Variants in LMBR1 observed in about 807,000 individuals in gnomAD.
The protein encoded by LMBR1 is limb development membrane protein 1, also known as limb region 1 protein homolog.
Under a neutral mutation model 73.9 loss-of-function variants are expected in LMBR1, and 52 were observed. That is an observed-to-expected ratio of 0.70 (90% CI 0.56 to 0.89). The LOEUF (loss-of-function observed/expected upper bound fraction) is 0.89. LMBR1 is among the 40% of genes least tolerant of loss of function. The pLI is 0.00. For synonymous variants in LMBR1, 215 were observed against 209.4 expected, an observed-to-expected ratio of 1.03 and a Z score of -0.23; for missense variants, 539 against 579.8, an observed-to-expected ratio of 0.93 and a Z score of 0.72.
intron 4 of LMBR1, among the ~76,000 whole-genome samples, chr7:156,798,047 C>A (rs1432365567): frequency 6.6e-6 from 1 of 151,812 alleles, no homozygotes. Flanking sequence ...TTTTATTGTG[C>A]TAATTACTGG....
intron 1 of LMBR1, among the ~76,000 whole-genome samples, chr7:156,864,900 G>A (rs1798234826): frequency 6.6e-6 from 1 of 151,518 alleles, no homozygotes; most frequent in South Asian, 2.1e-4. Flanking sequence ...GGAGGCTGAG[G>A]CAGGAGAACT....
intron 4 of LMBR1, among the ~76,000 whole-genome samples, chr7:156,801,368 T>C (rs575174068): frequency 1.3e-5 from 2 of 152,364 alleles, no homozygotes; most frequent in South Asian, 2.1e-4. Flanking sequence ...CACATTGCTA[T>C]TGCACACTTA....
chr7:156,711,942 A>G (rs1812163290), intron 15 of LMBR1, among the ~76,000 whole-genome samples: 1 of 152,186 alleles, frequency 6.6e-6, no homozygotes, highest in Admixed American at 6.5e-5. Context: ...TGGTCTAGGA[A>G]AAGAATTCAT....
intron 4 of LMBR1, among the ~76,000 whole-genome samples, chr7:156,799,651 G>A (rs1830609735): frequency 1.3e-5 from 2 of 152,158 alleles, no homozygotes; most frequent in South Asian, 4.1e-4. Context: ...TCCTCTAAGT[G>A]TTCAAATGAA....
intron 3 of LMBR1, chr7:156,833,528 C>A: frequency 2.0e-6 from 1 of 493,892 alleles, no homozygotes; most frequent in South Asian, 2.8e-5. Context: ...TCATTTAATC[C>A]CCTGAGGATA....
intron 15 of LMBR1, among the ~76,000 whole-genome samples, chr7:156,716,235 A>C (rs1813184125): frequency 6.6e-6 from 1 of 152,210 alleles, no homozygotes; most frequent in Admixed American, 6.5e-5. Flanking sequence ...TCAGAGAATA[A>C]AAAAGATTTG....
intron 1 of LMBR1, among the ~76,000 whole-genome samples, chr7:156,886,471 T>C (rs572122111): frequency 2.0e-5 from 3 of 152,364 alleles, no homozygotes; most frequent in African/African-American, 7.2e-5. Context: ...TGTAGTCAGA[T>C]GGCGAAGCAG....
chr7:156,820,484 TAAC>T (rs1834592312), intron 4 of LMBR1, among the ~76,000 whole-genome samples: 1 of 152,180 alleles, frequency 6.6e-6, no homozygotes, highest in Non-Finnish European at 1.5e-5. Context: ...AGTGAGAAGT[TAAC>T]AACCACTCTA....
intron 15 of LMBR1, among the ~76,000 whole-genome samples, chr7:156,698,246 T>C (rs1808766910): frequency 6.6e-6 from 1 of 152,208 alleles, no homozygotes; most frequent in Non-Finnish European, 1.5e-5. Flanking sequence ...ACAGCCTCCC[T>C]CCCAGCTGCT....
At position 156,728,979 on chromosome 7, in the gene LMBR1, A is replaced by T. The variant is rs527644327; in HGVS notation, c.839-259T>A. ...CTCAACCACCCAAGTAGCTGGGACTACAGATACATGCCACCATGCCTGGCT... is the reference window on the plus strand; with the variant it reads ...CTCAACCACCCAAGTAGCTGGGACTTCAGATACATGCCACCATGCCTGGCT... On this transcript the variant is annotated intron_variant, in intron 10 of 16. Coordinates refer to ENST00000353442, the MANE Select transcript of LMBR1 (RefSeq NM_022458.4). 1.9e-4 allele frequency among the ~76,000 whole-genome samples: 29 copies of T among 152,248 alleles called. No individual in the cohort carries two copies. The South Asian group carries it at 5.6e-3, about 29-fold the overall frequency.
chr7:156,796,425 G>A lies in LMBR1; in HGVS notation c.387C>T (p.Phe129=). 6.2e-7 allele frequency: 1 copy of A among 1,605,606 alleles called. No homozygotes were observed. Among genetic ancestry groups the A allele is most frequent in the Non-Finnish European group, 8.5e-7 (1 of 1,176,812 alleles). ...CLFVLMPFAF[F]FLESEGFAGL... ...CAGCAAAGCCTTCTGATTCCAGAAAGAAAAAGGCAAAGGGCATCAATACAA... is the reference window on the plus strand; with the variant it reads ...CAGCAAAGCCTTCTGATTCCAGAAAAAAAAAGGCAAAGGGCATCAATACAA... The change falls in exon 5 of 17, where the codon TTC becomes TTT. Residue 129 remains phenylalanine, a synonymous_variant. Transcript: ENST00000353442.
rs1019853190 is a variant in LMBR1, at chr7:156,679,494, A to G, written c.*4584T>C. ...GATGCTGTTAAAGAGAAGTTGCAGA[A>G]TCAATATAAATAGCTACAGCAGTAT... On this transcript the variant is annotated 3_prime_UTR_variant, in exon 17 of 17. Coordinates refer to ENST00000353442, the MANE Select transcript of LMBR1 (RefSeq NM_022458.4). The G allele has an allele frequency of 4.8e-5, 7 of 145,240 alleles. No homozygotes were observed. 9.0% of individuals were successfully genotyped at this position (145,240 alleles called of 1,614,324 possible).
chr7:156,674,617 G>C (rs974008066), downstream of LMBR1, among the ~76,000 whole-genome samples: 2 of 152,160 alleles, frequency 1.3e-5, no homozygotes, highest in Admixed American at 6.5e-5. Flanking sequence ...CCGAGGCTGA[G>C]TGAGCATTGA....
At chr7:156,762,244 CT>C in intron 7 of LMBR1, 46 bp from the exon 8 acceptor site, 1 of 1,250,486 alleles carries the variant, frequency 8.0e-7, no homozygotes, top group South Asian at 1.3e-5. Context: ...CATTATAGAG[CT>C]TGGAGAAAGA....
intron 15 of LMBR1, among the ~76,000 whole-genome samples, chr7:156,717,495 C>G (rs1443813429): frequency 1.3e-5 from 2 of 151,814 alleles, no homozygotes; most frequent in Non-Finnish European, 2.9e-5. Flanking sequence ...GCCAGAGAAG[C>G]AGAGGGAAAA....
intron 15 of LMBR1, among the ~76,000 whole-genome samples, chr7:156,695,260 A>T (rs1164374838): frequency 6.6e-6 from 1 of 152,206 alleles, no homozygotes; most frequent in Non-Finnish European, 1.5e-5. Flanking sequence ...AATGACTTAA[A>T]ATCATACCAC....
intron 9 of LMBR1, among the ~76,000 whole-genome samples, chr7:156,746,229 T>C (rs1473050569): frequency 6.6e-6 from 1 of 152,224 alleles, no homozygotes. Flanking sequence ...TTAACTTGTA[T>C]ATCTCATTGA....
chr7:156,688,214 C>T (rs192040258), intron 15 of LMBR1, 23 bp from the exon 16 acceptor site: 2 of 1,545,496 alleles, frequency 1.3e-6, no homozygotes, highest in East Asian at 4.6e-5. Flanking sequence ...AATAAAATAG[C>T]CCTTAATGAA....
intron 5 of LMBR1, among the ~76,000 whole-genome samples, chr7:156,780,499 A>G (rs1563342491): frequency 6.6e-6 from 1 of 152,216 alleles, no homozygotes; most frequent in Non-Finnish European, 1.5e-5. Context: ...ATTTTTACAC[A>G]TAATTCTGAA....
Sources: gnomAD v4.1 joint callset for allele counts (sites outside exome capture counted in the v4.1 genomes callset) on GRCh38, gnomAD v4.1.1 for gene constraint, MANE v1.5 for transcripts, NCBI Gene and HGNC (gene_info 2026-07-23, HGNC 2026-07-21) for gene names.